Variants in GRM3 observed in about 807,000 individuals in gnomAD.
GRM3 encodes the protein metabotropic glutamate receptor 3.
GRM3 carries 26 observed loss-of-function variants against 70.5 expected under a neutral mutation model. That is an observed-to-expected ratio of 0.37 (90% CI 0.27 to 0.51). GRM3 has a LOEUF of 0.51. Among genes scored for constraint, GRM3 ranks in the 20% least tolerant of loss-of-function variants. GRM3 has a pLI of 0.93. For synonymous variants in GRM3, 443 were observed against 434.9 expected, an observed-to-expected ratio of 1.02 and a Z score of -0.23; for missense variants, 859 against 1,123.8, an observed-to-expected ratio of 0.76 and a Z score of 3.37.
At chr7:86,699,290 T>C (rs1794897846) in intron 1 of GRM3, among the ~76,000 whole-genome samples, 2 of 152,028 alleles carry the variant, frequency 1.3e-5, no homozygotes, top group Non-Finnish European at 2.9e-5. Context: ...CAATACCTAT[T>C]AGCTTGAAAT....
At chr7:86,770,552 A>C (rs1039758493) in intron 2 of GRM3, among the ~76,000 whole-genome samples, 4 of 152,096 alleles carry the variant, frequency 2.6e-5, no homozygotes, top group Non-Finnish European at 1.5e-5. Flanking sequence ...TATATGGGGA[A>C]GAGGGAAGAG....
At chr7:86,725,860 G>A (rs920445200) in intron 1 of GRM3, among the ~76,000 whole-genome samples, 2 of 152,114 alleles carry the variant, frequency 1.3e-5, no homozygotes, top group East Asian at 1.9e-4. Context: ...GCAGAAGAAG[G>A]GGGAAGGAGG....
chr7:86,847,803 C>G (rs965220574), intron 4 of GRM3, among the ~76,000 whole-genome samples: 23 of 152,242 alleles, frequency 1.5e-4, no homozygotes, highest in African/African-American at 5.5e-4. Context: ...TAAAAACAGA[C>G]TTTTAATAGT....
chr7:86,838,844 T>C lies in GRM3; in HGVS notation c.1330T>C (p.Phe444Leu), dbSNP rs1798507826. The change falls in exon 4 of 6, where the codon TTC (phenylalanine) becomes CTC (leucine). Residue 444 changes from phenylalanine to leucine, a missense_variant. Coordinates refer to ENST00000361669, the MANE Select transcript of GRM3 (RefSeq NM_000840.3). ...YLLKINFTAP[F>L]NPNKDADSIV... Reference sequence around the variant, plus strand: ...TTTCACTTTACATATCACAGCTCCATTCAACCCAAATAAAGATGCAGATAG... The same window carrying C: ...TTTCACTTTACATATCACAGCTCCACTCAACCCAAATAAAGATGCAGATAG... 6.3e-7 allele frequency: 1 copy of C among 1,595,616 alleles called. No individual in the cohort carries two copies. The highest frequency in any genetic ancestry group is 1.7e-5 in the Admixed American group (1 of 59,460).
chr7:86,829,221 A>T (rs1416219917), intron 3 of GRM3, among the ~76,000 whole-genome samples: 1 of 152,192 alleles, frequency 6.6e-6, no homozygotes, highest in East Asian at 1.9e-4. Context: ...TCAGACTTCA[A>T]ATAATTGAAG....
At chr7:86,864,164 C>A (rs1799016030) in intron 5 of GRM3, 118 bp from the exon 6 acceptor site, 2 of 690,562 alleles carry the variant, frequency 2.9e-6, no homozygotes, top group East Asian at 5.0e-5. Flanking sequence ...AGTCTTTTAT[C>A]CCTCACCTCC....
intron 1 of GRM3, among the ~76,000 whole-genome samples, chr7:86,747,946 A>AG (rs565077934): frequency 5.3e-5 from 8 of 152,062 alleles, no homozygotes; most frequent in Non-Finnish European, 1.2e-4. Context: ...ACGTTTGCGC[A>AG]GGGAACAGTT....
chr7:86,858,433 AG>A (rs1798892294), intron 5 of GRM3, among the ~76,000 whole-genome samples: 1 of 152,158 alleles, frequency 6.6e-6, no homozygotes, highest in Non-Finnish European at 1.5e-5. Flanking sequence ...TAAGGTGATC[AG>A]GGTGGGGCCC....
At chr7:86,762,133 C>A (rs1796494789) in intron 1 of GRM3, among the ~76,000 whole-genome samples, 1 of 152,080 alleles carries the variant, frequency 6.6e-6, no homozygotes, top group Non-Finnish European at 1.5e-5. Context: ...CCTTCCATGG[C>A]AGTTTTTCTT....
chr7:86,794,921 A>G (rs1316893953), intron 3 of GRM3, among the ~76,000 whole-genome samples: 1 of 152,034 alleles, frequency 6.6e-6, no homozygotes, highest in Non-Finnish European at 1.5e-5. Context: ...AGAGTTGACC[A>G]TAACTTAAAT....
chr7:86,828,628 C>T lies in GRM3; in HGVS notation c.1325-10211C>T, dbSNP rs187228754. On this transcript the variant is annotated intron_variant, in intron 3 of 5. Transcript: ENST00000361669. Reference sequence around the variant, plus strand: ...TTTATTGCTAAAAAATGCTAACAATCATCCCAGCCTTTAGCAAGCCATACT... The same window carrying T: ...TTTATTGCTAAAAAATGCTAACAATTATCCCAGCCTTTAGCAAGCCATACT... Among the ~76,000 whole-genome samples, 3 of 152,330 alleles carry T rather than the reference C, an allele frequency of 2.0e-5. No homozygotes were observed. In the East Asian group the frequency reaches 5.8e-4, roughly 29 times the overall value.
intron 1 of GRM3, among the ~76,000 whole-genome samples, chr7:86,687,487 A>T (rs1794594368): frequency 7.5e-6 from 1 of 133,432 alleles, no homozygotes; most frequent in Admixed American, 8.7e-5. Flanking sequence ...GAAAGAAAAA[A>T]ATAATATTAT....
intron 1 of GRM3, among the ~76,000 whole-genome samples, chr7:86,653,278 A>G (rs1188960494): frequency 6.6e-6 from 1 of 152,194 alleles, no homozygotes; most frequent in Non-Finnish European, 1.5e-5. Flanking sequence ...CCTGTTAGTA[A>G]ACGCAATCAC....
intron 2 of GRM3, among the ~76,000 whole-genome samples, chr7:86,777,718 CA>C (rs1283645409): frequency 6.6e-6 from 1 of 152,252 alleles, no homozygotes; most frequent in African/African-American, 2.4e-5. Flanking sequence ...TTAGCAATAA[CA>C]ATATGATTGG....
At chr7:86,742,587 G>C (rs1299661271) in intron 1 of GRM3, among the ~76,000 whole-genome samples, 3 of 152,044 alleles carry the variant, frequency 2.0e-5, no homozygotes, top group African/African-American at 7.2e-5. Flanking sequence ...TAAGAAATTG[G>C]GCTGGATTGG....
chr7:86,758,648 A>G (rs191557808), intron 1 of GRM3, among the ~76,000 whole-genome samples: 1 of 152,284 alleles, frequency 6.6e-6, no homozygotes, highest in Admixed American at 6.5e-5. Context: ...AGTGAATACT[A>G]TTGATGGGAA....
At chr7:86,684,852 G>A (rs776893757) in intron 1 of GRM3, among the ~76,000 whole-genome samples, 2 of 152,124 alleles carry the variant, frequency 1.3e-5, no homozygotes, top group Non-Finnish European at 2.9e-5. Context: ...GTGACCATGG[G>A]CAATTTATTA....
At chr7:86,777,424 C>G (rs1470325392) in intron 2 of GRM3, among the ~76,000 whole-genome samples, 1 of 152,060 alleles carries the variant, frequency 6.6e-6, no homozygotes, top group East Asian at 1.9e-4. Flanking sequence ...TTTGGAATGT[C>G]CATGTGAAAT....
intron 1 of GRM3, among the ~76,000 whole-genome samples, chr7:86,660,024 T>G (rs802447): frequency 2.0e-5 from 3 of 151,908 alleles, no homozygotes; most frequent in East Asian, 1.9e-4. Flanking sequence ...ACTGTCCTAC[T>G]TTATTCTTTT....
Sources: allele counts gnomAD v4.1 joint callset (sites outside exome capture counted in the v4.1 genomes callset), GRCh38; gene constraint gnomAD v4.1.1; transcripts MANE v1.5; gene names NCBI Gene and HGNC (gene_info 2026-07-23, HGNC 2026-07-21).